SEC11A: variants seen among roughly 807,000 people sequenced by gnomAD.
The protein encoded by SEC11A is SEC11 homolog A, signal peptidase complex subunit.
A neutral mutation model predicts 25.6 loss-of-function variants in SEC11A; 14 were observed. That is an observed-to-expected ratio of 0.55 (90% CI 0.36 to 0.85). The LOEUF is 0.85. SEC11A is among the 40% of genes least tolerant of loss of function. The probability of loss-of-function intolerance (pLI) is 0.01; values close to 1 mark genes in which losing one functional copy is unlikely to be tolerated. For synonymous variants in SEC11A, 83 were observed against 76.4 expected (o/e 1.09, Z -0.45); for missense variants, 153 against 222.9 (o/e 0.69, Z 2.00).
intron 4 of SEC11A, among the ~76,000 whole-genome samples, chr15:84,680,137 TAA>T (rs753909923): frequency 4.2e-5 from 6 of 141,324 alleles, no homozygotes; most frequent in Admixed American, 7.1e-5. Flanking sequence ...CCATCTCTAC[TAA>T]AAAAAAAAAA....
rs191177203 is a variant in SEC11A, at chr15:84,672,604, T to C, written c.432-1822A>G. 828 of 211,668 alleles carry C rather than the reference T, an allele frequency of 3.9e-3. 22 individuals carry two copies. In the Admixed American group the frequency reaches 0.045, roughly 11 times the overall value. The allele number at this position is 211,668 out of a possible 1,614,324, so 13.1% of individuals were successfully genotyped here. A position where few individuals can be genotyped will look rare whatever the true frequency, so the allele number is the denominator to read the frequency against. ...CCCAGGCTGGAATGCAGTGGCATGATCTCGGCTCGCTACAACCACCTCCCA... is the reference window on the plus strand; with the variant it reads ...CCCAGGCTGGAATGCAGTGGCATGACCTCGGCTCGCTACAACCACCTCCCA... On this transcript the variant is annotated intron_variant, in intron 4 of 5. Coordinates refer to ENST00000268220, the MANE Select transcript of SEC11A (RefSeq NM_014300.4).
intron 2 of SEC11A, among the ~76,000 whole-genome samples, chr15:84,689,137 G>T (rs564996749): frequency 3.3e-5 from 5 of 152,138 alleles, no homozygotes; most frequent in South Asian, 2.1e-4. Flanking sequence ...GGGAGGTTGA[G>T]GGGGGAGGAT....
chr15:84,685,029 A>G (rs1001299467), intron 3 of SEC11A, among the ~76,000 whole-genome samples: 3 of 152,100 alleles, frequency 2.0e-5, no homozygotes, highest in Non-Finnish European at 4.4e-5. Flanking sequence ...ATTTCTGAAT[A>G]TTAACAGGGT....
chr15:84,675,999 G>A (rs1897123109), intron 4 of SEC11A, among the ~76,000 whole-genome samples: 1 of 152,146 alleles, frequency 6.6e-6, no homozygotes, highest in African/African-American at 2.4e-5. Flanking sequence ...GCTACAGGAA[G>A]TAGAGGATGG....
chr15:84,685,697 C>T (rs1870905179), intron 3 of SEC11A, among the ~76,000 whole-genome samples: 1 of 151,800 alleles, frequency 6.6e-6, no homozygotes, highest in African/African-American at 2.4e-5. Flanking sequence ...CAGCTTTGTT[C>T]ACAACAGGCA....
chr15:84,679,717 T>C (rs1315915719), intron 4 of SEC11A, among the ~76,000 whole-genome samples: 2 of 152,232 alleles, frequency 1.3e-5, no homozygotes, highest in East Asian at 3.8e-4. Flanking sequence ...ACCATCAGTA[T>C]AATCTTAGAT....
chr15:84,689,238 G>T (rs187864061), intron 2 of SEC11A, among the ~76,000 whole-genome samples: 3 of 151,992 alleles, frequency 2.0e-5, no homozygotes, highest in African/African-American at 7.2e-5. Flanking sequence ...ATGGAGGGAG[G>T]CCCTGTGTTA....
At chr15:84,699,344 C>CA (rs917792857) in intron 1 of SEC11A, among the ~76,000 whole-genome samples, 5 of 138,642 alleles carry the variant, frequency 3.6e-5, no homozygotes, top group Admixed American at 7.2e-5. Flanking sequence ...AACCAGGAAA[C>CA]AAAAAAAACA....
intron 1 of SEC11A, among the ~76,000 whole-genome samples, chr15:84,711,866 A>G (rs1312698053): frequency 6.6e-6 from 1 of 151,886 alleles, no homozygotes; most frequent in African/African-American, 2.4e-5. Context: ...AGCTAAAAGG[A>G]CCTTAAAGAT....
At chr15:84,689,663 A>C (rs942635740) in intron 2 of SEC11A, among the ~76,000 whole-genome samples, 2 of 150,196 alleles carry the variant, frequency 1.3e-5, no homozygotes, top group African/African-American at 4.9e-5. Flanking sequence ...GCTGGAGTGC[A>C]ATGGAGCGAT....
intron 1 of SEC11A, among the ~76,000 whole-genome samples, chr15:84,706,238 A>G (rs1466158164): frequency 6.6e-6 from 1 of 152,146 alleles, no homozygotes; most frequent in Non-Finnish European, 1.5e-5. Context: ...CAAAGGTTTT[A>G]ATCCATCCAT....
At position 84,687,783 on chromosome 15, in the gene SEC11A, G is replaced by A; in HGVS notation, c.162-9C>T. 6.3e-7 allele frequency: 1 copy of A among 1,584,928 alleles called. No individual in the cohort carries two copies. The highest frequency in any genetic ancestry group is 8.5e-7 in the Non-Finnish European group (1 of 1,172,388). On this transcript the variant is annotated splice_polypyrimidine_tract_variant and intron_variant, in intron 2 of 5. Transcript: ENST00000268220. ...CAGGTTCCATGCTGCCACTGGAAGG[G>A]AAAGAAGAATATAACAGCAAAAAGA...
chr15:84,709,662 C>T (rs976756350), intron 1 of SEC11A, among the ~76,000 whole-genome samples: 6 of 152,110 alleles, frequency 3.9e-5, no homozygotes, highest in African/African-American at 9.6e-5. Context: ...AGGCTGGTTT[C>T]GAACTCCTGA....
At chr15:84,685,424 A>AT (rs35058951) in intron 3 of SEC11A, among the ~76,000 whole-genome samples, 2,129 of 133,606 alleles carry the variant, frequency 0.016, 27 homozygotes, top group African/African-American at 0.029. Flanking sequence ...TGCCTGACTC[A>AT]TTTTTTTTTT....
At chr15:84,705,557 G>A (rs534596942) in intron 1 of SEC11A, among the ~76,000 whole-genome samples, 5 of 152,092 alleles carry the variant, frequency 3.3e-5, no homozygotes, top group South Asian at 4.2e-4. Context: ...ATCTGGTAGC[G>A]AAATTTCTGC....
intron 1 of SEC11A, among the ~76,000 whole-genome samples, chr15:84,692,897 G>A (rs989338250): frequency 1.3e-5 from 2 of 152,214 alleles, no homozygotes; most frequent in Non-Finnish European, 2.9e-5. Flanking sequence ...CCAGGCTGGA[G>A]TGCAGTGGCA....
rs183615459 is a variant in SEC11A at position 84,675,910 on chromosome 15, A to C, written c.431+4803T>G. On this transcript the variant is annotated intron_variant, in intron 4 of 5. Coordinates refer to ENST00000268220, the MANE Select transcript of SEC11A (RefSeq NM_014300.4). ...AGAAGCTGGACACAAAAGACTACGCATTGTATGATTCTGCTTATATGAAAA... is the reference window on the plus strand; with the variant it reads ...AGAAGCTGGACACAAAAGACTACGCCTTGTATGATTCTGCTTATATGAAAA... Among the ~76,000 whole-genome samples, 6 of 152,340 alleles carry C rather than the reference A, an allele frequency of 3.9e-5. No individual in the cohort carries two copies. The East Asian group carries it at 1.2e-3, about 29-fold the overall frequency.
intron 1 of SEC11A, among the ~76,000 whole-genome samples, chr15:84,714,054 A>C: frequency 1.7e-5 from 2 of 117,024 alleles, no homozygotes; most frequent in Admixed American, 1.3e-4. Flanking sequence ...ACGGAGTCTC[A>C]CTCTGTCACC....
At chr15:84,672,255 G>GCCCCTT (rs1466455222) in intron 4 of SEC11A, 2 of 162,994 alleles carry the variant, frequency 1.2e-5, no homozygotes, top group Admixed American at 6.3e-5. Flanking sequence ...CCCTGCCCCT[G>GCCCCTT]CCTCTGCCTC....
Sources: allele counts gnomAD v4.1 joint callset (sites outside exome capture counted in the v4.1 genomes callset), GRCh38; gene constraint gnomAD v4.1.1; transcripts MANE v1.5; gene names NCBI Gene and HGNC (gene_info 2026-07-23, HGNC 2026-07-21).